CDH12: variants seen among roughly 807,000 people sequenced by gnomAD.
CDH12 encodes cadherin 12.
CDH12 carries 41 observed loss-of-function variants against 74.1 expected under a neutral mutation model. The observed-to-expected ratio is 0.55, with a 90% CI of 0.43 to 0.72. The LOEUF (loss-of-function observed/expected upper bound fraction) is 0.72. CDH12 is among the 30% of genes least tolerant of loss of function. The pLI, the probability that CDH12 is intolerant of heterozygous loss-of-function variation, is 0.00. For synonymous variants in CDH12, 399 were observed against 355.0 expected (o/e 1.12, Z -1.39); for missense variants, 945 against 977.2 (o/e 0.97, Z 0.44).
chr5:22,412,767 T>C (rs1023265755), intron 2 of CDH12, among the ~76,000 whole-genome samples: 4 of 152,066 alleles, frequency 2.6e-5, no homozygotes, highest in African/African-American at 9.6e-5. Flanking sequence ...AATCTTTTCT[T>C]TGAGGAAATA....
At chr5:22,167,330 TGAAA>T (rs1177408712) in intron 4 of CDH12, among the ~76,000 whole-genome samples, 2 of 152,310 alleles carry the variant, frequency 1.3e-5, no homozygotes, top group Admixed American at 6.5e-5. Flanking sequence ...AAGGCATCGC[TGAAA>T]GAAAGATACC....
intron 2 of CDH12, among the ~76,000 whole-genome samples, chr5:22,477,705 T>G (rs896346407): frequency 3.9e-5 from 6 of 152,140 alleles, no homozygotes; most frequent in Admixed American, 2.6e-4. Flanking sequence ...TTAATAACAC[T>G]ATTGGACTAC....
At chr5:21,927,535 G>A (rs1185733250) in intron 6 of CDH12, among the ~76,000 whole-genome samples, 1 of 152,120 alleles carries the variant, frequency 6.6e-6, no homozygotes, top group Non-Finnish European at 1.5e-5. Flanking sequence ...AAGTTGCAGT[G>A]ACCCAAGATT....
chr5:22,274,048 A>G (rs916178831), intron 3 of CDH12, among the ~76,000 whole-genome samples: 3 of 152,122 alleles, frequency 2.0e-5, no homozygotes, highest in Non-Finnish European at 4.4e-5. Flanking sequence ...ATATTACCTA[A>G]TCTTTATTAA....
Position 21,760,538 on chromosome 5 carries a change from T to A in CDH12, c.1633+20A>T. On this transcript the variant is annotated intron_variant, in intron 13 of 14. Coordinates refer to ENST00000382254, the MANE Select transcript of CDH12 (RefSeq NM_004061.5). ...CAAAGATACATGATAAGAGGTAAAT[T>A]TTTCTGTAGTTACACTTACTTCTGA... 8.2e-7 allele frequency: 1 copy of A among 1,225,552 alleles called. No individual in the cohort carries two copies. The highest frequency in any genetic ancestry group is 1.2e-6 in the Non-Finnish European group (1 of 831,640). 75.9% of individuals were successfully genotyped at this position (1,225,552 alleles called of 1,614,324 possible). A position where few individuals can be genotyped will look rare whatever the true frequency, so the allele number is the denominator to read the frequency against.
chr5:22,098,927 A>G (rs971891035), intron 4 of CDH12, among the ~76,000 whole-genome samples: 8 of 152,050 alleles, frequency 5.3e-5, no homozygotes, highest in Non-Finnish European at 8.8e-5. Flanking sequence ...TTTCCTTTCC[A>G]TTGTAGAAAT....
At chr5:22,091,675 G>A (rs1363482792) in intron 4 of CDH12, among the ~76,000 whole-genome samples, 1 of 151,926 alleles carries the variant, frequency 6.6e-6, no homozygotes, top group South Asian at 2.1e-4. Context: ...TTCAAGCCAC[G>A]ATAGTACAGC....
intron 1 of CDH12, among the ~76,000 whole-genome samples, chr5:22,699,591 C>A (rs531717008): frequency 1.3e-5 from 2 of 152,006 alleles, no homozygotes; most frequent in Non-Finnish European, 2.9e-5. Context: ...AGGATCTGGT[C>A]CCAAGAAGGG....
intron 1 of CDH12, among the ~76,000 whole-genome samples, chr5:22,728,960 T>C (rs1744297888): frequency 6.6e-6 from 1 of 151,832 alleles, no homozygotes; most frequent in South Asian, 2.1e-4. Flanking sequence ...TAGTCTCCTC[T>C]GGATTAGCAA....
intron 1 of CDH12, among the ~76,000 whole-genome samples, chr5:22,635,092 C>T (rs987381792): frequency 6.6e-6 from 1 of 151,812 alleles, no homozygotes; most frequent in Non-Finnish European, 1.5e-5. Context: ...TCCAATTTCA[C>T]AATTTACTTC....
chr5:22,815,828 G>A (rs867037751), intron 1 of CDH12, among the ~76,000 whole-genome samples: 6 of 150,894 alleles, frequency 4.0e-5, no homozygotes, highest in South Asian at 2.1e-4. Context: ...ACATACTACC[G>A]GTGAAAGAGA....
chr5:22,058,381 C>A (rs1405079826), intron 5 of CDH12, among the ~76,000 whole-genome samples: 3 of 152,000 alleles, frequency 2.0e-5, no homozygotes, highest in African/African-American at 7.2e-5. Flanking sequence ...AAAGCTATAC[C>A]ACTGGTTCTT....
intron 4 of CDH12, among the ~76,000 whole-genome samples, chr5:22,097,700 CCTCCCCTTGTAT>C (rs917525032): frequency 4.6e-5 from 7 of 152,082 alleles, no homozygotes; most frequent in Non-Finnish European, 1.0e-4. Context: ...TCCTTCACAT[CCTCCCCTTGTAT>C]CTCCCCACCT....
chr5:22,795,109 T>C (rs944644774), intron 1 of CDH12, among the ~76,000 whole-genome samples: 2 of 152,174 alleles, frequency 1.3e-5, no homozygotes, highest in Admixed American at 1.3e-4. Flanking sequence ...TTTACAGTTA[T>C]TCAAACAAGG....
rs548903740 is a variant in CDH12 at position 22,193,013 on chromosome 5, G to A, written c.-187+19485C>T. Among the ~76,000 whole-genome samples the A allele has an allele frequency of 3.9e-5, 6 of 152,204 alleles. 1 individual carries two copies. Among genetic ancestry groups the A allele is most frequent in the African/African-American group, 7.2e-5 (3 of 41,516 alleles). On this transcript the variant is annotated intron_variant, in intron 4 of 14. Coordinates refer to ENST00000382254, the MANE Select transcript of CDH12 (RefSeq NM_004061.5). ...GAAAAAAACTGAGATTTGTGATACTGGAATGGAGTGTGGAAAAAAAAATCA... is the reference window on the plus strand; with the variant it reads ...GAAAAAAACTGAGATTTGTGATACTAGAATGGAGTGTGGAAAAAAAAATCA...
intron 2 of CDH12, among the ~76,000 whole-genome samples, chr5:22,483,036 C>T (rs1254421630): frequency 1.3e-5 from 2 of 152,196 alleles, no homozygotes; most frequent in East Asian, 3.9e-4. Context: ...GAAACTCACA[C>T]CTCCCCCTTC....
chr5:22,691,382 C>T (rs1307093725), intron 1 of CDH12, among the ~76,000 whole-genome samples: 1 of 152,116 alleles, frequency 6.6e-6, no homozygotes, highest in African/African-American at 2.4e-5. Context: ...GAAGTTGCTC[C>T]GCAGCTGGAG....
At chr5:22,074,548 T>C (rs997602832) in intron 5 of CDH12, among the ~76,000 whole-genome samples, 1 of 152,010 alleles carries the variant, frequency 6.6e-6, no homozygotes, top group Admixed American at 6.6e-5. Flanking sequence ...GGGAGAAAAT[T>C]TTTGCCATCT....
chr5:22,537,933 A>G (rs1486188827), intron 1 of CDH12, among the ~76,000 whole-genome samples: 4 of 152,164 alleles, frequency 2.6e-5, no homozygotes, highest in Admixed American at 1.3e-4. Context: ...GAGTTTTCCA[A>G]CCTGGGCACT....
Sources: gnomAD v4.1 joint callset for allele counts (sites outside exome capture counted in the v4.1 genomes callset) on GRCh38, gnomAD v4.1.1 for gene constraint, MANE v1.5 for transcripts, NCBI Gene and HGNC (gene_info 2026-07-23, HGNC 2026-07-21) for gene names.